The following FMN1 variants were observed in gnomAD, a reference collection of about 807,000 sequenced individuals.
FMN1 encodes formin-1.
A neutral mutation model predicts 132.4 loss-of-function variants in FMN1; 110 were observed. That is an observed-to-expected ratio of 0.83 (90% CI 0.71 to 0.97). FMN1 has a LOEUF of 0.97. Ranked by LOEUF, FMN1 falls within the 50% of genes least tolerant of loss-of-function variation. The pLI is 0.00. For synonymous variants in FMN1, 722 were observed against 651.7 expected (o/e 1.11, Z -1.64); for missense variants, 1,792 against 1,705.3 (o/e 1.05, Z -0.90).
rs756986066 is a variant in FMN1 at position 33,067,728 on chromosome 15, C to T, written c.2044-2654G>A. ...TGGAATGCTTTCAGCACAGCATCTT[C>T]CTCTTCTGGATTCACAGATTCTAAT... On this transcript the variant is annotated intron_variant, in intron 5 of 20. Transcript: ENST00000616417. The T allele has an allele frequency of 5.6e-6, 9 of 1,614,046 alleles. No individual in the cohort carries two copies. The South Asian group carries it at 8.8e-5, about 16-fold the overall frequency.
chr15:33,046,603 T>C (rs953691038), intron 6 of FMN1, among the ~76,000 whole-genome samples: 1 of 152,154 alleles, frequency 6.6e-6, no homozygotes, highest in African/African-American at 2.4e-5. Flanking sequence ...TTGCCTGTGG[T>C]TTCATAATTT....
chr15:33,079,482 G>A (rs1228076773), intron 5 of FMN1, among the ~76,000 whole-genome samples: 1 of 152,192 alleles, frequency 6.6e-6, no homozygotes, highest in African/African-American at 2.4e-5. Context: ...AACCAGCTGG[G>A]CATGGTGGCA....
chr15:32,808,581 C>T (rs28454347), intron 17 of FMN1, among the ~76,000 whole-genome samples: 2 of 152,030 alleles, frequency 1.3e-5, no homozygotes, highest in Non-Finnish European at 2.9e-5. Flanking sequence ...ACTGGGTGAT[C>T]GTCAGAAAAT....
At position 32,810,918 on chromosome 15, in the gene FMN1, C is replaced by T. The variant is rs548152959; in HGVS notation, c.3929-6586G>A. 1.4e-3 allele frequency: 637 copies of T among 454,974 alleles called. 1 individual carries two copies. Among genetic ancestry groups the T allele is most frequent in the Non-Finnish European group, 2.5e-3 (569 of 226,276 alleles). The allele number at this position is 454,974 out of a possible 1,614,324, so 28.2% of individuals were successfully genotyped here. A position where few individuals can be genotyped will look rare whatever the true frequency, so the allele number is the denominator to read the frequency against. On this transcript the variant is annotated intron_variant, in intron 17 of 20. Coordinates refer to ENST00000616417, the MANE Select transcript of FMN1 (RefSeq NM_001277313.2). The stretch of plus-strand genomic sequence containing the variant: ...AGTTAAGAAGTTGTTTTTATTACAG[C>T]TCTACAAATATGGGAGCCGGGTGAT...
intron 4 of FMN1, among the ~76,000 whole-genome samples, chr15:33,096,186 T>C (rs951546474): frequency 1.3e-5 from 2 of 152,074 alleles, no homozygotes; most frequent in Non-Finnish European, 2.9e-5. Context: ...CTGACAGAAG[T>C]TTTTGTGATA....
chr15:33,129,941 C>T (rs769168237), intron 4 of FMN1, among the ~76,000 whole-genome samples: 3 of 152,112 alleles, frequency 2.0e-5, no homozygotes, highest in South Asian at 2.1e-4. Context: ...TACAGGCACA[C>T]GCCAACATGC....
At chr15:33,045,863 A>G (rs982835401) in intron 6 of FMN1, among the ~76,000 whole-genome samples, 5 of 152,330 alleles carry the variant, frequency 3.3e-5, no homozygotes, top group East Asian at 1.9e-4. Context: ...GGAACCTGAA[A>G]ACAAAGCCAA....
intron 4 of FMN1, among the ~76,000 whole-genome samples, chr15:33,142,110 A>T (rs1188154178): frequency 6.6e-6 from 1 of 152,150 alleles, no homozygotes; most frequent in Non-Finnish European, 1.5e-5. Context: ...TCAAATATGT[A>T]CCTATAACTA....
Position 32,774,299 on chromosome 15 carries a change from G to A in FMN1, c.*11C>T, listed in dbSNP as rs2056343285. 2.5e-6 allele frequency: 4 copies of A among 1,599,502 alleles called. No individual in the cohort carries two copies. The highest frequency in any genetic ancestry group is 2.2e-5 in the East Asian group (1 of 44,698). On this transcript the variant is annotated 3_prime_UTR_variant, in exon 21 of 21. Coordinates refer to ENST00000616417, the MANE Select transcript of FMN1 (RefSeq NM_001277313.2). ...CCACCTCCAGTGCCATCATTTCCAT[G>A]TGTCTTCATCTTAGTTAGTGGTCAC...
intron 17 of FMN1, among the ~76,000 whole-genome samples, chr15:32,817,044 T>C (rs2058079315): frequency 6.6e-6 from 1 of 152,218 alleles, no homozygotes; most frequent in African/African-American, 2.4e-5. Flanking sequence ...AAGCCATACT[T>C]ATACATGATT....
At chr15:32,915,858 C>T (rs2060671818) in intron 10 of FMN1, among the ~76,000 whole-genome samples, 1 of 152,220 alleles carries the variant, frequency 6.6e-6, no homozygotes, top group Non-Finnish European at 1.5e-5. Flanking sequence ...AATATTTCAC[C>T]TACACCTCAC....
In FMN1 at chr15:32,775,550, G is replaced by A. The variant is rs544376616; in HGVS notation, c.4216-1196C>T. On this transcript the variant is annotated intron_variant, in intron 20 of 20. Coordinates refer to ENST00000616417, the MANE Select transcript of FMN1 (RefSeq NM_001277313.2). ...AGAAGACAAAAATCAGGGTTCAGCC[G>A]ACTGCCACTGAAAGTCATACAAATG... Among the ~76,000 whole-genome samples, 15 of 152,266 alleles carry A rather than the reference G, an allele frequency of 9.9e-5. No homozygotes were observed. In the South Asian group the frequency reaches 2.9e-3, roughly 29 times the overall value.
chr15:32,907,296 T>C (rs2060450919), intron 12 of FMN1, among the ~76,000 whole-genome samples: 1 of 152,062 alleles, frequency 6.6e-6, no homozygotes. Context: ...TGCAACTAGA[T>C]GGTCCCATCT....
chr15:33,069,966 A>C lies in FMN1; in HGVS notation c.2044-4892T>G, dbSNP rs183069767. Among the ~76,000 whole-genome samples the C allele has an allele frequency of 4.0e-5, 6 of 149,108 alleles. No individual in the cohort carries two copies. In the East Asian group the frequency reaches 1.2e-3, roughly 30 times the overall value. On this transcript the variant is annotated intron_variant, in intron 5 of 20. Transcript: ENST00000616417. ...AAGATTGTAGAAAGAAGAAATGATC[A>C]CAACAGATCATAAGATCAGTCTTTC...
intron 19 of FMN1, among the ~76,000 whole-genome samples, chr15:32,785,200 GTA>G (rs1555453683): frequency 1.5e-4 from 4 of 27,234 alleles, no homozygotes; most frequent in African/African-American, 5.0e-4. Flanking sequence ...GTGTGTGTGT[GTA>G]TATATATATA....
chr15:32,940,972 G>T (rs988240981), intron 9 of FMN1, among the ~76,000 whole-genome samples: 8 of 152,112 alleles, frequency 5.3e-5, no homozygotes, highest in Admixed American at 4.6e-4. Flanking sequence ...ATATTAAAAG[G>T]AGTTAGTTAG....
At chr15:32,861,073 A>G (rs1200090852) in intron 16 of FMN1, among the ~76,000 whole-genome samples, 6 of 152,230 alleles carry the variant, frequency 3.9e-5, no homozygotes, top group Admixed American at 3.9e-4. Context: ...ATTTCCCACA[A>G]TATAAATTGG....
At chr15:32,930,803 TAAA>T (rs1567414546) in intron 9 of FMN1, among the ~76,000 whole-genome samples, 1 of 152,132 alleles carries the variant, frequency 6.6e-6, no homozygotes, top group Non-Finnish European at 1.5e-5. Flanking sequence ...CCCTATTTTT[TAAA>T]AAAGTTTTAT....
In FMN1 at chr15:32,804,437, CGGGGGGGGGG is replaced by C. The variant is rs57088967; in HGVS notation, c.3929-115_3929-106del. On this transcript the variant is annotated intron_variant, in intron 17 of 20. Coordinates refer to ENST00000616417, the MANE Select transcript of FMN1 (RefSeq NM_001277313.2). ...TTCATTACCACAGGAGGTCTGAATT[CGGGGGGGGGG>C]GGGGGGGGTAGCCTGTAACACATGT... 2.5e-4 allele frequency: 6 copies of C among 24,202 alleles called. 2 individuals carry two copies. Among genetic ancestry groups the C allele is most frequent in the East Asian group, 4.0e-3 (2 of 498 alleles). The allele number at this position is 24,202 out of a possible 1,614,324, so 1.5% of individuals were successfully genotyped here.
Sources: gnomAD v4.1 joint callset for allele counts (sites outside exome capture counted in the v4.1 genomes callset) on GRCh38, gnomAD v4.1.1 for gene constraint, MANE v1.5 for transcripts, NCBI Gene and HGNC (gene_info 2026-07-23, HGNC 2026-07-21) for gene names.